The following ZFPM2 variants were observed in gnomAD, a reference collection of about 807,000 sequenced individuals.
The protein encoded by ZFPM2 is zinc finger protein, FOG family member 2, also known as zinc finger protein ZFPM2.
In ZFPM2, 20 loss-of-function variants were observed where a neutral mutation model predicts 98.6. That is an observed-to-expected ratio of 0.20 (90% CI 0.14 to 0.29). ZFPM2 has a LOEUF of 0.29. Ranked by LOEUF, ZFPM2 falls within the 10% of genes least tolerant of loss-of-function variation. The pLI is 1.00. For missense variants in ZFPM2, 1,310 were observed against 1,388.6 expected (o/e 0.94, Z 0.90); for synonymous variants, 518 against 502.7 (o/e 1.03, Z -0.41).
intron 1 of ZFPM2, 85 bp downstream of exon 1, chr8:105,319,066 C>T (rs374273724): frequency 4.9e-6 from 7 of 1,420,402 alleles, no homozygotes; most frequent in Admixed American, 2.3e-5. Context: ...GGGTGGGTGG[C>T]GGGGCTAGGG....
chr8:105,646,805 C>A (rs1817056995), intron 5 of ZFPM2, among the ~76,000 whole-genome samples: 1 of 152,034 alleles, frequency 6.6e-6, no homozygotes, highest in African/African-American at 2.4e-5. Context: ...TTGGGGAAGT[C>A]CTGTCTCATT....
chr8:105,729,759 T>C (rs1811889050), intron 5 of ZFPM2, among the ~76,000 whole-genome samples: 1 of 151,648 alleles, frequency 6.6e-6, no homozygotes, highest in Admixed American at 6.6e-5. Context: ...CCTCATTTCC[T>C]CTTTACTGAA....
chr8:105,611,691 C>T (rs1330980373), intron 4 of ZFPM2, among the ~76,000 whole-genome samples: 1 of 148,748 alleles, frequency 6.7e-6, no homozygotes, highest in Non-Finnish European at 1.5e-5. Flanking sequence ...AACAAATTAA[C>T]AAAAAAAAAT....
intron 5 of ZFPM2, among the ~76,000 whole-genome samples, chr8:105,734,232 T>C (rs1423349339): frequency 6.6e-6 from 1 of 151,936 alleles, no homozygotes; most frequent in Non-Finnish European, 1.5e-5. Flanking sequence ...CCACCAGCGA[T>C]GACATATCCC....
At chr8:105,395,680 C>A (rs1811205008) in intron 1 of ZFPM2, among the ~76,000 whole-genome samples, 1 of 152,154 alleles carries the variant, frequency 6.6e-6, no homozygotes, top group Admixed American at 6.5e-5. Flanking sequence ...AATAAATTGA[C>A]ATATTTTGAA....
intron 2 of ZFPM2, among the ~76,000 whole-genome samples, chr8:105,427,640 G>A (rs182086195): frequency 9.0e-4 from 137 of 152,250 alleles, no homozygotes; most frequent in African/African-American, 3.2e-3. Context: ...TCTCTGGTAG[G>A]CCTAAACATA....
At chr8:105,669,791 T>A (rs1478829815) in intron 5 of ZFPM2, among the ~76,000 whole-genome samples, 1 of 152,190 alleles carries the variant, frequency 6.6e-6, no homozygotes, top group African/African-American at 2.4e-5. Flanking sequence ...ACTACAGCTA[T>A]GTCATGTAGG....
intron 5 of ZFPM2, among the ~76,000 whole-genome samples, chr8:105,689,588 T>C (rs781549348): frequency 6.6e-6 from 1 of 152,202 alleles, no homozygotes; most frequent in Non-Finnish European, 1.5e-5. Flanking sequence ...GTCATTATTT[T>C]ATGTATAAAC....
chr8:105,780,579 G>C (rs1337855146), intron 5 of ZFPM2: 1 of 152,214 alleles, frequency 6.6e-6, no homozygotes, highest in Non-Finnish European at 1.5e-5. Flanking sequence ...TGCAGGAAAA[G>C]GAAACATTCA....
intron 3 of ZFPM2, among the ~76,000 whole-genome samples, chr8:105,477,767 C>T (rs981168580): frequency 6.6e-6 from 1 of 152,114 alleles, no homozygotes; most frequent in Non-Finnish European, 1.5e-5. Flanking sequence ...AATGGATCTT[C>T]CATTCTACCA....
chr8:105,673,124 G>A (rs1354702864), intron 5 of ZFPM2, among the ~76,000 whole-genome samples: 8 of 149,962 alleles, frequency 5.3e-5, no homozygotes, highest in Non-Finnish European at 1.0e-4. Context: ...GAAAATTTGT[G>A]CCAGGGAAGA....
intron 3 of ZFPM2, among the ~76,000 whole-genome samples, chr8:105,507,419 T>A (rs137876501): frequency 5.3e-5 from 8 of 152,336 alleles, no homozygotes; most frequent in African/African-American, 1.9e-4. Flanking sequence ...TGTTTGGTTC[T>A]ATGTCTAGAC....
At chr8:105,636,199 G>A (rs1299452209) in intron 5 of ZFPM2, among the ~76,000 whole-genome samples, 1 of 152,112 alleles carries the variant, frequency 6.6e-6, no homozygotes, top group Non-Finnish European at 1.5e-5. Context: ...TTTCTGATTA[G>A]GGATGTGAAC....
chr8:105,620,843 G>C (rs1259433452), intron 4 of ZFPM2, among the ~76,000 whole-genome samples: 1 of 152,118 alleles, frequency 6.6e-6, no homozygotes, highest in Non-Finnish European at 1.5e-5. Context: ...GATGGTTGTA[G>C]ATGTGTGGTA....
chr8:105,376,098 C>G (rs973948264), intron 1 of ZFPM2, among the ~76,000 whole-genome samples: 1 of 152,202 alleles, frequency 6.6e-6, no homozygotes, highest in East Asian at 1.9e-4. Flanking sequence ...CTCAGCACTC[C>G]CCTAACAGAG....
intron 4 of ZFPM2, chr8:105,616,762 A>G (rs1258899053): frequency 1.4e-5 from 4 of 293,624 alleles, no homozygotes; most frequent in South Asian, 3.2e-5. Context: ...TCATGCCTGT[A>G]ATCCCAGCAC....
intron 5 of ZFPM2, among the ~76,000 whole-genome samples, chr8:105,642,191 C>T (rs1470781028): frequency 1.3e-5 from 2 of 151,590 alleles, no homozygotes; most frequent in African/African-American, 4.9e-5. Flanking sequence ...TTTTAAAACA[C>T]TGTATTATGT....
At chr8:105,653,866 T>A in intron 5 of ZFPM2, among the ~76,000 whole-genome samples, 1 of 135,392 alleles carries the variant, frequency 7.4e-6, no homozygotes, top group African/African-American at 2.7e-5. Flanking sequence ...TTTTTTTTTT[T>A]TTTTTTTTTT....
intron 4 of ZFPM2, among the ~76,000 whole-genome samples, chr8:105,574,664 T>G (rs764610996): frequency 7.9e-5 from 12 of 152,166 alleles, no homozygotes; most frequent in Non-Finnish European, 1.5e-4. Context: ...TCACGTGCCT[T>G]AAGTTTTAGC....
Sources: allele counts gnomAD v4.1 joint callset (sites outside exome capture counted in the v4.1 genomes callset), GRCh38; gene constraint gnomAD v4.1.1; transcripts MANE v1.5; gene names NCBI Gene and HGNC (gene_info 2026-07-23, HGNC 2026-07-21).